Variants in KIR2DL1 observed in about 807,000 individuals in gnomAD.
The protein encoded by KIR2DL1 is killer cell immunoglobulin-like receptor 2DL1.
In KIR2DL1, 38 loss-of-function variants were observed where a neutral mutation model predicts 33.9. The ratio of observed to expected loss-of-function variants is 1.12; its 90% CI spans 0.86 to 1.47. The LOEUF (loss-of-function observed/expected upper bound fraction) is 1.47. KIR2DL1 is among the 40% of genes most tolerant of loss of function. KIR2DL1 has a pLI of 0.00. For missense variants in KIR2DL1, 531 were observed against 433.9 expected (o/e 1.22, Z -1.99); for synonymous variants, 179 against 165.9 (o/e 1.08, Z -0.61).
In KIR2DL1 at chr19:54,773,021, C is replaced by T. The variant is rs776137705; in HGVS notation, c.71-312C>T. Among the ~76,000 whole-genome samples the T allele has an allele frequency of 6.1e-5, 9 of 148,396 alleles. 1 individual carries two copies. Among genetic ancestry groups the T allele is most frequent in the Non-Finnish European group, 9.1e-5 (6 of 66,192 alleles). ...CTAAGAGCCTGGATGTGCAGCCTATCCTGGTTCCTCTTCCACCCCCACATA... is the reference window on the plus strand; with the variant it reads ...CTAAGAGCCTGGATGTGCAGCCTATTCTGGTTCCTCTTCCACCCCCACATA... On this transcript the variant is annotated intron_variant, in intron 2 of 7. Coordinates refer to ENST00000336077, the MANE Select transcript of KIR2DL1 (RefSeq NM_014218.3).
intron 4 of KIR2DL1, among the ~76,000 whole-genome samples, chr19:54,777,294 T>C (rs1398776605): frequency 6.7e-6 from 1 of 148,562 alleles, no homozygotes; most frequent in Non-Finnish European, 1.5e-5. Context: ...TTTCTCTATG[T>C]GGGTCAGACT....
chr19:54,770,424 G>A (rs1360018209), intron 1 of KIR2DL1, among the ~76,000 whole-genome samples: 1 of 144,590 alleles, frequency 6.9e-6, no homozygotes, highest in African/African-American at 2.5e-5. Context: ...ATACGGGCCT[G>A]GGTGTGGAGA....
chr19:54,778,765 T>G (rs2295808), intron 5 of KIR2DL1, 103 bp downstream of exon 5: 2 of 1,052,118 alleles, frequency 1.9e-6, no homozygotes, highest in Non-Finnish European at 2.7e-6. Context: ...CATTGTACAC[T>G]TGTCTTCCAC....
Position 54,782,984 on chromosome 19 carries a change from C to G in KIR2DL1, c.778C>G (p.Leu260Val). 3 of 1,613,748 alleles carry G rather than the reference C, an allele frequency of 1.9e-6. No individual in the cohort carries two copies. The highest frequency in any genetic ancestry group is 2.5e-6 in the Non-Finnish European group (3 of 1,179,896). The change falls in exon 6 of 8, where the codon CTC becomes GTC. Residue 260 changes from leucine to valine, a missense_variant. By Grantham distance (32) the Leu-to-Val change is conservative. Coordinates refer to ENST00000336077, the MANE Select transcript of KIR2DL1 (RefSeq NM_014218.3). The stretch of plus-strand genomic sequence containing the variant: ...AGTGGTCATCATCCTCTTCATCCTC[C>G]TCTTCTTTCTCCTTCATCGCTGGTG... ...TSVVIILFIL[L>V]FFLLHRWCSN...
rs1361188457 is a variant in KIR2DL1 at position 54,773,610 on chromosome 19, C to T, written c.348C>T (p.Asp116=). The T allele has an allele frequency of 5.1e-6, 8 of 1,576,600 alleles. No individual in the cohort carries two copies. The highest frequency in any genetic ancestry group is 3.4e-5 in the Admixed American group (2 of 58,558). ...HSPYQVSAPS[D]PLDIVIIGLY... is the part of the protein sequence containing the mutation. ...CCTATCAGGTGTCAGCTCCCAGTGA[C>T]CCTCTGGACATCGTGATCATAGGTG... The change falls in exon 3 of 8, where the codon GAC becomes GAT. Residue 116 remains aspartate, a synonymous_variant. Coordinates refer to ENST00000336077, the MANE Select transcript of KIR2DL1 (RefSeq NM_014218.3).
chr19:54,779,744 G>A (rs113497105), intron 5 of KIR2DL1, among the ~76,000 whole-genome samples: 1,290 of 129,138 alleles, frequency 1.0e-2, no homozygotes, highest in African/African-American at 0.029. Context: ...GCATTCTCCT[G>A]CCTTCCACAA....
Position 54,778,729 on chromosome 19 carries a change from G to A in KIR2DL1, c.715+67G>A, listed in dbSNP as rs1488451370. 845 of 1,370,184 alleles carry A rather than the reference G, an allele frequency of 6.2e-4. 41 individuals carry two copies. The African/African-American group carries it at 0.011, about 18-fold the overall frequency. 84.9% of individuals were successfully genotyped at this position (1,370,184 alleles called of 1,614,324 possible). A position where few individuals can be genotyped will look rare whatever the true frequency, so the allele number is the denominator to read the frequency against. Reference sequence around the variant, plus strand: ...GGAGGTGGGAACCTTGGATTCAGGCGTTGACTCAGCATCTCACAGCTCTGA... The same window carrying A: ...GGAGGTGGGAACCTTGGATTCAGGCATTGACTCAGCATCTCACAGCTCTGA... On this transcript the variant is annotated intron_variant, in intron 5 of 7. Transcript: ENST00000336077.
chr19:54,780,645 A>G (rs532327781), intron 5 of KIR2DL1, among the ~76,000 whole-genome samples: 1 of 143,200 alleles, frequency 7.0e-6, no homozygotes, highest in African/African-American at 2.6e-5. Context: ...TTGCCGCCCC[A>G]CTGGTGAAAT....
At chr19:54,777,478 C>T (rs376958757) in intron 4 of KIR2DL1, among the ~76,000 whole-genome samples, 3 of 135,642 alleles carry the variant, frequency 2.2e-5, no homozygotes, top group East Asian at 2.0e-4. Context: ...AGCACTTTTT[C>T]GTATGTGGGG....
chr19:54,774,872 G>A (rs2076143365), intron 3 of KIR2DL1, among the ~76,000 whole-genome samples: 1 of 148,540 alleles, frequency 6.7e-6, no homozygotes, highest in Non-Finnish European at 1.5e-5. Context: ...CACAAAGTGA[G>A]AAACTCAGAA....
In KIR2DL1 at chr19:54,778,558, G is replaced by A. The variant is rs184943976; in HGVS notation, c.665-54G>A. 160 of 1,451,430 alleles carry A rather than the reference G, an allele frequency of 1.1e-4. 18 individuals carry two copies. The African/African-American group carries it at 1.9e-3, about 17-fold the overall frequency. The allele number at this position is 1,451,430 out of a possible 1,614,324, so 89.9% of individuals were successfully genotyped here. On this transcript the variant is annotated intron_variant, in intron 4 of 7. Transcript: ENST00000336077. ...TGAACCATCCTCAAAGATTTCCACT[G>A]AGTGGAGGACAGACACCCTCATTTC...
At chr19:54,774,166 T>C (rs2076072177) in intron 3 of KIR2DL1, among the ~76,000 whole-genome samples, 1 of 148,748 alleles carries the variant, frequency 6.7e-6, no homozygotes, top group Non-Finnish European at 1.5e-5. Flanking sequence ...CTGTGTGAAC[T>C]TGTAGTCTCC....
At chr19:54,775,099 A>C in intron 3 of KIR2DL1, 66 bp from the exon 4 acceptor site, 1 of 1,497,746 alleles carries the variant, frequency 6.7e-7, no homozygotes, top group East Asian at 2.3e-5. Flanking sequence ...GTGAGTTCTC[A>C]GCTCAGGTGA....
At chr19:54,772,305 A>T (rs1269745412) in intron 2 of KIR2DL1, among the ~76,000 whole-genome samples, 1 of 147,496 alleles carries the variant, frequency 6.8e-6, no homozygotes, top group Non-Finnish European at 1.5e-5. Context: ...GAAGTCCAGG[A>T]GCCATGAATG....
chr19:54,781,090 T>A (rs977868356), intron 5 of KIR2DL1, among the ~76,000 whole-genome samples: 1 of 72,862 alleles, frequency 1.4e-5, no homozygotes, highest in African/African-American at 5.3e-5. Context: ...AGCAGGAGAA[T>A]GACTTCAACC....
chr19:54,774,957 T>A (rs1386897557), intron 3 of KIR2DL1, among the ~76,000 whole-genome samples: 1 of 147,082 alleles, frequency 6.8e-6, no homozygotes, highest in Non-Finnish European at 1.5e-5. Flanking sequence ...AGAGAAAACA[T>A]ATCTAGAGGT....
Position 54,769,856 on chromosome 19 carries a change from G to T in KIR2DL1, c.6G>T (p.Ser2=). The T allele has an allele frequency of 1.3e-6, 2 of 1,569,900 alleles. No individual in the cohort carries two copies. Among genetic ancestry groups the T allele is most frequent in the Non-Finnish European group, 8.7e-7 (1 of 1,147,480 alleles). ...CTGTCTGCTCCGGCAGCACCATGTCGCTCTTGGTCGTCAGCATGGCGTGTG... is the reference window on the plus strand; with the variant it reads ...CTGTCTGCTCCGGCAGCACCATGTCTCTCTTGGTCGTCAGCATGGCGTGTG... M[S]LLVVSMACVG... The change falls in exon 1 of 8, where the codon TCG becomes TCT. Residue 2 remains serine (S), a synonymous_variant. Transcript: ENST00000336077.
chr19:54,770,986 G>T (rs2075650029), intron 2 of KIR2DL1, 102 bp downstream of exon 2: 1 of 1,487,968 alleles, frequency 6.7e-7, no homozygotes, highest in Non-Finnish European at 9.3e-7. Context: ...AAACTAGGAA[G>T]AAGGGACCCT....
chr19:54,770,567 A>T (rs2075574355), intron 1 of KIR2DL1, among the ~76,000 whole-genome samples: 1 of 136,214 alleles, frequency 7.3e-6, no homozygotes, highest in Non-Finnish European at 1.6e-5. Context: ...TGGATTGGAG[A>T]TATGGGCCTG....
Sources: allele counts gnomAD v4.1 joint callset (sites outside exome capture counted in the v4.1 genomes callset), GRCh38; gene constraint gnomAD v4.1.1; transcripts MANE v1.5; gene names NCBI Gene and HGNC (gene_info 2026-07-23, HGNC 2026-07-21).